SMURF2: variants seen among roughly 807,000 people sequenced by gnomAD.
SMURF2 encodes SMAD specific E3 ubiquitin protein ligase 2, also known as E3 ubiquitin-protein ligase SMURF2.
In SMURF2, 48 loss-of-function variants were observed where a neutral mutation model predicts 109.6. The observed-to-expected ratio is 0.44, with a 90% CI of 0.35 to 0.56. The LOEUF is 0.56. Ranked by LOEUF, SMURF2 falls within the 20% of genes least tolerant of loss-of-function variation. The probability of loss-of-function intolerance (pLI) is 0.01; values close to 1 mark genes in which losing one functional copy is unlikely to be tolerated. For synonymous variants in SMURF2, 288 were observed against 317.1 expected, an observed-to-expected ratio of 0.91 and a Z score of 0.97; for missense variants, 575 against 909.0, an observed-to-expected ratio of 0.63 and a Z score of 4.72.
intron 1 of SMURF2, among the ~76,000 whole-genome samples, chr17:64,627,832 A>T (rs1380227212): frequency 1.3e-5 from 2 of 152,154 alleles, no homozygotes; most frequent in African/African-American, 4.8e-5. Flanking sequence ...ACACTCAAAA[A>T]TTTGGCTTTT....
intron 12 of SMURF2, among the ~76,000 whole-genome samples, chr17:64,560,054 A>T (rs1367310561): frequency 2.1e-5 from 3 of 144,034 alleles, no homozygotes; most frequent in African/African-American, 2.5e-5. Context: ...ACCTGGCCAA[A>T]TTTTTTTTTT....
intron 9 of SMURF2, among the ~76,000 whole-genome samples, chr17:64,574,331 C>T (rs1011911374): frequency 3.3e-5 from 5 of 152,078 alleles, no homozygotes; most frequent in South Asian, 2.1e-4. Flanking sequence ...GTTATACAGT[C>T]ATACAAAGTA....
At chr17:64,621,903 AAAT>A (rs201565708) in intron 1 of SMURF2, among the ~76,000 whole-genome samples, 7,613 of 141,782 alleles carry the variant, frequency 0.054, 348 homozygotes, top group African/African-American at 0.13. Context: ...ATAAATAAAT[AAAT>A]AATAATAATA....
At chr17:64,607,314 T>C (rs993243655) in intron 1 of SMURF2, among the ~76,000 whole-genome samples, 23 of 152,214 alleles carry the variant, frequency 1.5e-4, no homozygotes, top group South Asian at 6.2e-4. Flanking sequence ...CTAAAAAATA[T>C]TGAATTGCCC....
intron 8 of SMURF2, among the ~76,000 whole-genome samples, chr17:64,579,444 T>C (rs143163420): frequency 1.3e-5 from 2 of 152,312 alleles, no homozygotes; most frequent in African/African-American, 4.8e-5. Flanking sequence ...CTTTCACAGA[T>C]TATAAACAAA....
At chr17:64,632,548 T>C (rs1474371542) in intron 1 of SMURF2, among the ~76,000 whole-genome samples, 1 of 152,190 alleles carries the variant, frequency 6.6e-6, no homozygotes, top group Non-Finnish European at 1.5e-5. Flanking sequence ...CAAAAACTTC[T>C]CTTAATTCAA....
At position 64,581,591 on chromosome 17, in the gene SMURF2, G is replaced by A. The variant is rs782541252; in HGVS notation, c.570-600C>T. Among the ~76,000 whole-genome samples, 1 of 152,108 alleles carries A rather than the reference G, an allele frequency of 6.6e-6. No individual in the cohort carries two copies. Among genetic ancestry groups the A allele is most frequent in the African/African-American group, 2.4e-5 (1 of 41,408 alleles). On this transcript the variant is annotated intron_variant, in intron 7 of 18. Coordinates refer to ENST00000262435, the MANE Select transcript of SMURF2 (RefSeq NM_022739.4). The surrounding 1 kb of genome is among the most constrained non-coding windows in gnomAD (Gnocchi z 4.3). ...GAAAGAAGACAGTTTGTCTCTTTAA[G>A]GGGCTTCCAGTCTACTATTGCAGAT...
chr17:64,553,773 A>G (rs1555683820), intron 15 of SMURF2, among the ~76,000 whole-genome samples: 1 of 152,202 alleles, frequency 6.6e-6, no homozygotes, highest in Non-Finnish European at 1.5e-5. Context: ...CTAAACACAG[A>G]GCTGCTAGTT....
At chr17:64,624,649 T>C (rs1040919481) in intron 1 of SMURF2, among the ~76,000 whole-genome samples, 1 of 151,440 alleles carries the variant, frequency 6.6e-6, no homozygotes, top group African/African-American at 2.4e-5. Context: ...TGGTGAGACC[T>C]CATCTCTACA....
At position 64,547,720 on chromosome 17, in the gene SMURF2, T is replaced by G. The variant is rs2144583652; in HGVS notation, c.1951A>C (p.Asn651His). ...GCTTTCCAGAACCATTTGACAATGTTGCTGTCTGGTGTACAGTGTTTTAAC... is the reference window on the plus strand; with the variant it reads ...GCTTTCCAGAACCATTTGACAATGTGGCTGTCTGGTGTACAGTGTTTTAAC... ...TRLKHCTPDSNIVKWFWKAVE... is the reference protein window; with the variant it reads ...TRLKHCTPDSHIVKWFWKAVE... The change falls in exon 17 of 19, where the codon AAC (asparagine) becomes CAC (histidine). Residue 651 changes from asparagine to histidine, a missense_variant. Around this residue, in one of 5 missense-constraint regions of SMURF2, gnomAD observed 361 missense variants for 612.1 expected, o/e 0.59. Coordinates refer to ENST00000262435, the MANE Select transcript of SMURF2 (RefSeq NM_022739.4). This position sits in a 1 kb window ranked among gnomAD's most constrained non-coding sequence, Gnocchi z 4.2. The G allele has an allele frequency of 6.2e-7, 1 of 1,614,254 alleles. No homozygotes were observed. The highest frequency in any genetic ancestry group is 1.1e-5 in the South Asian group (1 of 91,082).
intron 1 of SMURF2, among the ~76,000 whole-genome samples, chr17:64,644,946 T>C (rs1555692872): frequency 6.7e-6 from 1 of 149,682 alleles, no homozygotes; most frequent in Non-Finnish European, 1.5e-5. Context: ...AGGCAGAGGT[T>C]GCAGTGAGCC....
At chr17:64,584,977 T>C (rs1353265543) in intron 6 of SMURF2, among the ~76,000 whole-genome samples, 3 of 152,176 alleles carry the variant, frequency 2.0e-5, no homozygotes, top group Non-Finnish European at 4.4e-5. Flanking sequence ...CTAACAGACA[T>C]ATCTAGAAGC....
At chr17:64,621,903 A>AAATAATAATAAT (rs201565708) in intron 1 of SMURF2, among the ~76,000 whole-genome samples, 4 of 141,826 alleles carry the variant, frequency 2.8e-5, no homozygotes, top group Admixed American at 1.5e-4. Flanking sequence ...ATAAATAAAT[A>AAATAATAATAAT]AATAATAATA....
chr17:64,583,486 T>G lies in SMURF2; in HGVS notation c.544A>C (p.Thr182Pro). The change falls in exon 7 of 19, where the codon ACT becomes CCT. Residue 182 changes from threonine (T) to proline (P), a missense_variant. This residue lies in a region of SMURF2 where 151 missense variants were observed against 178.4 expected (regional missense o/e 0.85). Transcript: ENST00000262435. ...CGTGTTGGGCGCTCCCATTGCGTAG[T>G]TCTTGTTATATGGTTTAGATACTGG... ...RIQYLNHITR[T>P]TQWERPTRPA... The G allele has an allele frequency of 6.2e-7, 1 of 1,613,952 alleles. No homozygotes were observed. Among genetic ancestry groups the G allele is most frequent in the Non-Finnish European group, 8.5e-7 (1 of 1,179,888 alleles).
intron 1 of SMURF2, among the ~76,000 whole-genome samples, chr17:64,627,600 CA>C (rs1423030995): frequency 6.6e-6 from 1 of 152,136 alleles, no homozygotes; most frequent in Non-Finnish European, 1.5e-5. Flanking sequence ...TCCTCATATC[CA>C]AATGACTACT....
Position 64,555,006 on chromosome 17 carries a change from GA to G in SMURF2, c.1611-14del. On this transcript the variant is annotated splice_polypyrimidine_tract_variant and intron_variant, in intron 14 of 18. Coordinates refer to ENST00000262435, the MANE Select transcript of SMURF2 (RefSeq NM_022739.4). The stretch of plus-strand genomic sequence containing the variant: ...AATATCATTCTCACTGGATAGGAAA[GA>G]GGAAAAGATATGTAACTGGGAAACC... 1 of 1,608,488 alleles carries G rather than the reference GA, an allele frequency of 6.2e-7. No homozygotes were observed. Among genetic ancestry groups the G allele is most frequent in the South Asian group, 1.1e-5 (1 of 89,734 alleles).
chr17:64,631,739 T>C (rs1555691618), intron 1 of SMURF2, among the ~76,000 whole-genome samples: 1 of 152,196 alleles, frequency 6.6e-6, no homozygotes, highest in East Asian at 1.9e-4. Context: ...TTTTCACACT[T>C]TTTATTGGAT....
intron 5 of SMURF2, among the ~76,000 whole-genome samples, chr17:64,587,490 T>C (rs76797639): frequency 0.069 from 10,533 of 152,254 alleles, 539 homozygotes; most frequent in Admixed American, 0.14. Flanking sequence ...CACTCCAGTA[T>C]TGTTTAATTC....
intron 1 of SMURF2, among the ~76,000 whole-genome samples, chr17:64,655,468 G>A (rs1405862648): frequency 3.3e-5 from 5 of 151,528 alleles, no homozygotes; most frequent in Admixed American, 1.3e-4. Flanking sequence ...ATGTTGGCCA[G>A]GCTGGTCTCA....
Sources: allele counts gnomAD v4.1 joint callset (sites outside exome capture counted in the v4.1 genomes callset), GRCh38; gene constraint gnomAD v4.1.1; regional missense constraint gnomAD v4.1.1; non-coding constraint Gnocchi (gnomAD v3.1); transcripts MANE v1.5; gene names NCBI Gene and HGNC (gene_info 2026-07-23, HGNC 2026-07-21).